The following WNT11 variants were observed in gnomAD, a reference collection of about 807,000 sequenced individuals.
The protein encoded by WNT11 is Wnt family member 11, also known as protein Wnt-11.
A neutral mutation model predicts 35.6 loss-of-function variants in WNT11; 20 were observed. The ratio of observed to expected loss-of-function variants is 0.56; its 90% CI spans 0.40 to 0.82. The LOEUF is 0.82. Among genes scored for constraint, WNT11 ranks in the 40% least tolerant of loss-of-function variants. The pLI is 0.00. For synonymous variants in WNT11, 200 were observed against 211.9 expected (o/e 0.94, Z 0.49); for missense variants, 459 against 504.4 (o/e 0.91, Z 0.86).
intron 1 of WNT11, among the ~76,000 whole-genome samples, chr11:76,204,154 T>C (rs953519660): frequency 2.0e-5 from 3 of 152,188 alleles, no homozygotes; most frequent in Non-Finnish European, 4.4e-5. Context: ...CATAGATATA[T>C]GCACGTGGCC....
chr11:76,198,515 T>C (rs572838167), intron 1 of WNT11, among the ~76,000 whole-genome samples: 7 of 152,350 alleles, frequency 4.6e-5, no homozygotes, highest in African/African-American at 1.7e-4. Flanking sequence ...CTTGCCACCA[T>C]GCCTTTGCCC....
At chr11:76,206,598 C>A, upstream of WNT11, 1 of 1,148,010 alleles carries the variant, frequency 8.7e-7, no homozygotes, top group Non-Finnish European at 1.1e-6. Context: ...CCGGGGAGGC[C>A]GAGCGCGGCG....
intron 1 of WNT11, among the ~76,000 whole-genome samples, chr11:76,203,831 G>A (rs1378644609): frequency 6.6e-6 from 1 of 152,218 alleles, no homozygotes; most frequent in Non-Finnish European, 1.5e-5. Context: ...GTGAGTCCCC[G>A]GCTTTCCAGC....
intron 4 of WNT11, among the ~76,000 whole-genome samples, chr11:76,188,229 G>A (rs1953127827): frequency 6.6e-6 from 1 of 152,214 alleles, no homozygotes; most frequent in Non-Finnish European, 1.5e-5. Flanking sequence ...GAGGCCTGTA[G>A]GGCCCTTGGG....
Position 76,206,361 on chromosome 11 carries a change from G to C in WNT11, c.47C>G (p.Ala16Gly). 1 of 1,570,500 alleles carries C rather than the reference G, an allele frequency of 6.4e-7. No homozygotes were observed. Among genetic ancestry groups the C allele is most frequent in the African/African-American group, 1.4e-5 (1 of 72,812 alleles). ...QVCEALLFAL[A>G]LQTGVCYGIK... ...GCCATAGCACACGCCGGTCTGGAGC[G>C]CCAGGGCGAAGAGCAGCGCCTCGCA... Residue 16 changes from alanine to glycine, a missense_variant, in exon 1 of 5, where the codon GCG becomes GGG. By Grantham distance (60) the Ala-to-Gly change is moderately conservative. Transcript: ENST00000322563.
At chr11:76,199,453 C>T (rs968958313) in intron 1 of WNT11, among the ~76,000 whole-genome samples, 6 of 150,410 alleles carry the variant, frequency 4.0e-5, no homozygotes, top group Admixed American at 1.3e-4. Context: ...GTCTGGGTGA[C>T]ACAGTGAAAC....
chr11:76,203,878 G>T (rs1029136088), intron 1 of WNT11, among the ~76,000 whole-genome samples: 2 of 152,216 alleles, frequency 1.3e-5, no homozygotes, highest in African/African-American at 2.4e-5. Flanking sequence ...CTGTGCTGGG[G>T]CTCCCTGTGC....
In WNT11 at chr11:76,187,280, C is replaced by A; in HGVS notation, c.891-41G>T. The A allele has an allele frequency of 1.9e-6, 3 of 1,569,052 alleles. No individual in the cohort carries two copies. The South Asian group carries it at 3.4e-5, about 18-fold the overall frequency. ...GAAGGAGGTCAGTGCATGCCTTGGT[C>A]ACCACCCCACCAACACCCCATGACT... On this transcript the variant is annotated intron_variant, in intron 4 of 4. Coordinates refer to ENST00000322563, the MANE Select transcript of WNT11 (RefSeq NM_004626.3).
At chr11:76,201,541 G>A (rs1225313869) in intron 1 of WNT11, among the ~76,000 whole-genome samples, 1 of 152,164 alleles carries the variant, frequency 6.6e-6, no homozygotes, top group Non-Finnish European at 1.5e-5. Context: ...GGGGGTGGGG[G>A]CCTGGGGGAG....
upstream of WNT11, among the ~76,000 whole-genome samples, chr11:76,209,561 G>T (rs984733215): frequency 1.3e-5 from 2 of 152,220 alleles, no homozygotes; most frequent in African/African-American, 2.4e-5. Flanking sequence ...GCCGAGCGAC[G>T]GCTTCAAGGT....
intron 3 of WNT11, among the ~76,000 whole-genome samples, chr11:76,192,970 C>T (rs1002007255): frequency 3.9e-5 from 6 of 152,188 alleles, no homozygotes; most frequent in Non-Finnish European, 8.8e-5. Flanking sequence ...TTGCCCAAGA[C>T]AAGTGAGTTA....
upstream of WNT11, among the ~76,000 whole-genome samples, chr11:76,207,711 C>T (rs967327292): frequency 6.6e-6 from 1 of 152,184 alleles, no homozygotes; most frequent in Non-Finnish European, 1.5e-5. Flanking sequence ...CTTAGCGAAG[C>T]GGGGAAGCTC....
chr11:76,188,355 G>A (rs939427784), intron 4 of WNT11, among the ~76,000 whole-genome samples: 4 of 152,252 alleles, frequency 2.6e-5, no homozygotes, highest in African/African-American at 7.2e-5. Context: ...CTAAAGGGTG[G>A]GGCATGGGAG....
chr11:76,187,380 G>T, intron 4 of WNT11, 141 bp from the exon 5 acceptor site: 1 of 806,680 alleles, frequency 1.2e-6, no homozygotes, highest in Non-Finnish European at 1.7e-6. Context: ...GATCTTTGGG[G>T]AATTTTAAAT....
chr11:76,204,219 A>G (rs1209860498), intron 1 of WNT11, among the ~76,000 whole-genome samples: 2 of 151,618 alleles, frequency 1.3e-5, no homozygotes, highest in African/African-American at 2.4e-5. Context: ...TTATTCTTAA[A>G]CTCCACCCCT....
In WNT11 at chr11:76,194,715, G is replaced by A. The variant is rs1953247513; in HGVS notation, c.449C>T (p.Pro150Leu). 1 of 1,550,522 alleles carries A rather than the reference G, an allele frequency of 6.4e-7. No individual in the cohort carries two copies. The highest frequency in any genetic ancestry group is 1.4e-5 in the African/African-American group (1 of 73,130). Residue 150 changes from proline to leucine, a missense_variant, in exon 3 of 5, where the codon CCC becomes CTC. By Grantham distance (98) the Pro-to-Leu change is moderately conservative (BLOSUM62 -3). Coordinates refer to ENST00000322563, the MANE Select transcript of WNT11 (RefSeq NM_004626.3). The surrounding 1 kb of genome is among the most constrained non-coding windows in gnomAD (Gnocchi z 5.4). ...CGCACATCCTCCCCAGCGGTTCCCG[G>A]GCCCGGGTGGCTCACCTGGGACGGG... ...CGPVPGEPPG[P>L]GNRWGGCADN...
upstream of WNT11, among the ~76,000 whole-genome samples, chr11:76,208,554 T>C (rs527331292): frequency 6.6e-6 from 1 of 152,034 alleles, no homozygotes; most frequent in African/African-American, 2.4e-5. Flanking sequence ...AGTCACCGTC[T>C]TCCCCTCTCC....
At chr11:76,187,312 CAGGCA>C in intron 4 of WNT11, 73 bp from the exon 5 acceptor site, 2 of 1,433,288 alleles carry the variant, frequency 1.4e-6, no homozygotes, top group East Asian at 2.6e-5. Flanking sequence ...GACTCCCAGC[CAGGCA>C]GCCGGCAGCG....
upstream of WNT11, among the ~76,000 whole-genome samples, chr11:76,210,162 G>A (rs1405746931): frequency 6.6e-6 from 1 of 151,862 alleles, no homozygotes. Flanking sequence ...CGCCTGGGGT[G>A]CGGGGGCAGA....
Sources: allele counts gnomAD v4.1 joint callset (sites outside exome capture counted in the v4.1 genomes callset), GRCh38; gene constraint gnomAD v4.1.1; non-coding constraint Gnocchi (gnomAD v3.1); transcripts MANE v1.5; gene names NCBI Gene and HGNC (gene_info 2026-07-23, HGNC 2026-07-21).